QARS1: variants seen among roughly 807,000 people sequenced by gnomAD.
QARS1 encodes glutaminyl-tRNA synthetase 1.
A neutral mutation model predicts 106.9 loss-of-function variants in QARS1; 79 were observed. The observed-to-expected ratio is 0.74, with a 90% CI of 0.62 to 0.89. The LOEUF is 0.89. QARS1 is among the 40% of genes least tolerant of loss of function. The pLI, the probability that QARS1 is intolerant of heterozygous loss-of-function variation, is 0.00. For missense variants in QARS1, 966 were observed against 997.2 expected, an observed-to-expected ratio of 0.97 and a Z score of 0.42; for synonymous variants, 395 against 367.7, an observed-to-expected ratio of 1.07 and a Z score of -0.85.
At position 49,098,270 on chromosome 3, in the gene QARS1, G is replaced by A. The variant is rs549153964; in HGVS notation, c.2085-12C>T. Reference sequence around the variant, plus strand: ...TCTTGTGCTGGAATCTGCAGCCAAAGTGAAGGTCATACCCCCAGCTGGGCA... The same window carrying A: ...TCTTGTGCTGGAATCTGCAGCCAAAATGAAGGTCATACCCCCAGCTGGGCA... On this transcript the variant is annotated splice_polypyrimidine_tract_variant and intron_variant, in intron 21 of 23. Transcript: ENST00000306125. The A allele has an allele frequency of 1.2e-6, 2 of 1,614,230 alleles. No individual in the cohort carries two copies. Among genetic ancestry groups the A allele is most frequent in the South Asian group, 1.1e-5 (1 of 91,082 alleles).
Position 49,099,450 on chromosome 3 carries a change from T to G in QARS1, c.1527-19A>C. The G allele has an allele frequency of 6.2e-7, 1 of 1,614,094 alleles. No individual in the cohort carries two copies. Among genetic ancestry groups the G allele is most frequent in the Non-Finnish European group, 8.5e-7 (1 of 1,180,018 alleles). The stretch of plus-strand genomic sequence containing the variant: ...CCAGTCCCTGTGGATAAGAAGGTGG[T>G]GAGAAGGCCTTTGGGAGCATATGCC... On this transcript the variant is annotated intron_variant, in intron 16 of 23. Transcript: ENST00000306125.
At chr3:49,101,599 C>T (rs764250864) in intron 9 of QARS1, 21 bp downstream of exon 9, 2 of 1,612,720 alleles carry the variant, frequency 1.2e-6, no homozygotes, top group Middle Eastern at 1.8e-4. Flanking sequence ...CACAAGCTCA[C>T]ATGGCCACAT....
At position 49,100,192 on chromosome 3, in the gene QARS1, C is replaced by G. The variant is rs749042622; in HGVS notation, c.1162G>C (p.Glu388Gln). Residue 388 changes from glutamate (E) to glutamine (Q), a missense_variant and splice_region_variant, in exon 13 of 24, where the codon GAG (glutamate) becomes CAG (glutamine). By Grantham distance (29) the Glu-to-Gln change is conservative. Transcript: ENST00000306125. ...CAGATGCTCCTCTAGGACCCCACCT[C>G]AAAGAGCAGCAGTGACTCCTCCATG... ...RPMEESLLLF[E>Q]AMRKGKFSEG... 1.6e-5 allele frequency: 26 copies of G among 1,614,136 alleles called. No homozygotes were observed. Among genetic ancestry groups the G allele is most frequent in the African/African-American group, 2.7e-5 (2 of 74,938 alleles).
chr3:49,099,141 C>G lies in QARS1; in HGVS notation c.1727G>C (p.Arg576Pro). The G allele has an allele frequency of 6.2e-7, 1 of 1,614,172 alleles. No individual in the cohort carries two copies. Among genetic ancestry groups the G allele is most frequent in the Non-Finnish European group, 8.5e-7 (1 of 1,180,032 alleles). ...AGCAGGAAAGTTGGTGATGATGACC[C>G]GTAGTGACTCCAGCACAGCCATGGC... The part of the protein sequence containing the change: ...PRAMAVLESL[R>P]VIITNFPAAK... The change falls in exon 18 of 24, where the codon CGG becomes CCG. Residue 576 changes from arginine (R) to proline (P), a missense_variant. Coordinates refer to ENST00000306125, the MANE Select transcript of QARS1 (RefSeq NM_005051.3).
rs778895870 is a variant in QARS1, at chr3:49,104,629, C to A, written c.105G>T (p.Glu35Asp). The A allele has an allele frequency of 4.7e-5, 75 of 1,604,716 alleles. 1 individual carries two copies. Among genetic ancestry groups the A allele is most frequent in the Non-Finnish European group, 8.5e-6 (10 of 1,173,198 alleles). ...KNSALSAQLREAATQAQQTLG... is the reference protein window; with the variant it reads ...KNSALSAQLRDAATQAQQTLG... Reference sequence around the variant, plus strand: ...GAGGGGCTCGCACCTGAGTAGCGGCCTCGCGCAGCTGCGCGCTCAGAGCCG... The same window carrying A: ...GAGGGGCTCGCACCTGAGTAGCGGCATCGCGCAGCTGCGCGCTCAGAGCCG... The change falls in exon 1 of 24, where the codon GAG becomes GAT. Residue 35 changes from glutamate to aspartate, a missense_variant. Coordinates refer to ENST00000306125, the MANE Select transcript of QARS1 (RefSeq NM_005051.3).
Position 49,098,128 on chromosome 3 carries a change from G to C in QARS1, c.2152-11C>G, listed in dbSNP as rs373696203. On this transcript the variant is annotated splice_polypyrimidine_tract_variant and intron_variant, in intron 22 of 23. Coordinates refer to ENST00000306125, the MANE Select transcript of QARS1 (RefSeq NM_005051.3). ...CACGTGTAGTGATGCCTGCAGGCAG[G>C]GAACTCAGGCAACCATCCAACCAGG... is the stretch of plus-strand genomic sequence containing the variant. The C allele has an allele frequency of 5.9e-5, 96 of 1,614,056 alleles. 1 individual carries two copies. The highest frequency in any genetic ancestry group is 3.6e-5 in the Non-Finnish European group (42 of 1,180,034).
At position 49,101,811 on chromosome 3, in the gene QARS1, T is replaced by G. The variant is rs60002662; in HGVS notation, c.703+17A>C. 6.2e-7 allele frequency: 1 copy of G among 1,610,678 alleles called. No homozygotes were observed. Among genetic ancestry groups the G allele is most frequent in the South Asian group, 1.1e-5 (1 of 90,668 alleles). ...CCAAGATCCAGCCCTCCCCAGGGTT[T>G]TGACATGCCCACTAACCAGGCTTGT... is the stretch of plus-strand genomic sequence containing the variant. On this transcript the variant is annotated intron_variant, in intron 8 of 23. Transcript: ENST00000306125.
rs2042451058 is a variant in QARS1 at position 49,100,215 on chromosome 3, A to C, written c.1139T>G (p.Met380Arg). Reference sequence around the variant, plus strand: ...CTCAAAGAGCAGCAGTGACTCCTCCATGGGACGGTCTCTCCAGGGTGAAGG... The same window carrying C: ...CTCAAAGAGCAGCAGTGACTCCTCCCTGGGACGGTCTCTCCAGGGTGAAGG... ...TLPSPWRDRPMEESLLLFEAM... is the reference protein window; with the variant it reads ...TLPSPWRDRPREESLLLFEAM... The change falls in exon 13 of 24, where the codon ATG becomes AGG. Residue 380 changes from methionine (M) to arginine (R), a missense_variant. Transcript: ENST00000306125. The C allele has an allele frequency of 6.2e-7, 1 of 1,614,244 alleles. No individual in the cohort carries two copies. Among genetic ancestry groups the C allele is most frequent in the Non-Finnish European group, 8.5e-7 (1 of 1,180,038 alleles).
intron 23 of QARS1, among the ~76,000 whole-genome samples, chr3:49,096,669 G>A (rs1012251561): frequency 2.0e-5 from 3 of 151,688 alleles, no homozygotes; most frequent in African/African-American, 4.8e-5. Context: ...GAGTGGTGGC[G>A]GGCGCCTGTA....
chr3:49,098,958 G>A lies in QARS1; in HGVS notation c.1790C>T (p.Ala597Val). ...CTGATGGAAGCCTTTGGTCTCATCA[G>A]CTGGGAAGTTGGGCACCTGGATGTC... ...SLDIQVPNFP[A>V]DETKGFHQVP... The change falls in exon 19 of 24, where the codon GCT becomes GTT. Residue 597 changes from alanine (A) to valine (V), a missense_variant. By Grantham distance (64) the Ala-to-Val change is moderately conservative (BLOSUM62 0). Coordinates refer to ENST00000306125, the MANE Select transcript of QARS1 (RefSeq NM_005051.3). The A allele has an allele frequency of 6.2e-7, 1 of 1,614,118 alleles. No individual in the cohort carries two copies. The highest frequency in any genetic ancestry group is 8.5e-7 in the Non-Finnish European group (1 of 1,179,980).
chr3:49,100,574 C>A lies in QARS1; in HGVS notation c.976+1G>T. ...CCTTCTAGGCTTTGCCTAGTCCATA[C>A]CTAGCCAGGCTACCATGTCACAGAT... On this transcript the variant is annotated splice_donor_variant, in intron 11 of 23. Coordinates refer to ENST00000306125, the MANE Select transcript of QARS1 (RefSeq NM_005051.3). LOFTEE classifies it high-confidence loss of function. 1 of 1,601,862 alleles carries A rather than the reference C, an allele frequency of 6.2e-7. No homozygotes were observed. The highest frequency in any genetic ancestry group is 8.6e-7 in the Non-Finnish European group (1 of 1,168,880).
At position 49,104,459 on chromosome 3, in the gene QARS1, G is replaced by T. The variant is rs752660207; in HGVS notation, c.130C>A (p.Leu44Met). ...GTAGCTTTGTCAATGGTGGAACCCA[G>T]GGTCTGCTGAGCCTGAGGTCAGAGG... ...REAATQAQQTLGSTIDKATGI... is the reference protein window; with the variant it reads ...REAATQAQQTMGSTIDKATGI... Residue 44 changes from leucine (L) to methionine (M), a missense_variant, in exon 2 of 24, where the codon CTG (leucine) becomes ATG (methionine). By Grantham distance (15) the Leu-to-Met change is conservative. Transcript: ENST00000306125. 3.7e-6 allele frequency: 6 copies of T among 1,614,046 alleles called. No individual in the cohort carries two copies. Among genetic ancestry groups the T allele is most frequent in the African/African-American group, 1.3e-5 (1 of 74,940 alleles).
intron 16 of QARS1, 26 bp downstream of exon 16, chr3:49,099,484 T>G: frequency 6.2e-7 from 1 of 1,614,070 alleles, no homozygotes; most frequent in Non-Finnish European, 8.5e-7. Flanking sequence ...CCATTAACCT[T>G]TCATAAGCCA....
chr3:49,102,450 T>A lies in QARS1; in HGVS notation c.539A>T (p.Lys180Met), dbSNP rs1052975324. 5.0e-6 allele frequency: 8 copies of A among 1,614,066 alleles called. No individual in the cohort carries two copies. The highest frequency in any genetic ancestry group is 6.8e-6 in the Non-Finnish European group (8 of 1,180,006). ...DMQVLHLLGP[K>M]LEADLEKKFK... ...CTTCTTCTCCAGATCAGCCTCCAACTTGGGGCCCAGAAGGTGGAGGACCTG... is the reference window on the plus strand; with the variant it reads ...CTTCTTCTCCAGATCAGCCTCCAACATGGGGCCCAGAAGGTGGAGGACCTG... Residue 180 changes from lysine to methionine, a missense_variant, in exon 6 of 24, where the codon AAG (lysine) becomes ATG (methionine). By Grantham distance (95) the Lys-to-Met change is moderately conservative (BLOSUM62 -1). Coordinates refer to ENST00000306125, the MANE Select transcript of QARS1 (RefSeq NM_005051.3).
At chr3:49,097,958 C>A (rs2042412425) in intron 23 of QARS1, 34 bp downstream of exon 23, 1 of 1,613,224 alleles carries the variant, frequency 6.2e-7, no homozygotes, top group Admixed American at 1.7e-5. Flanking sequence ...ACTGTCACTG[C>A]TGCAGATGAG....
Position 49,100,678 on chromosome 3 carries a change from G to T in QARS1, c.877-4C>A, listed in dbSNP as rs1340526504. On this transcript the variant is annotated splice_region_variant and splice_polypyrimidine_tract_variant and intron_variant, in intron 10 of 23. Transcript: ENST00000306125. Reference sequence around the variant, plus strand: ...GAAAACAGATGCCATTGTTGGCCTAGGAAAGTTGCACCATCTGTGAACTCC... The same window carrying T: ...GAAAACAGATGCCATTGTTGGCCTATGAAAGTTGCACCATCTGTGAACTCC... 1.3e-6 allele frequency: 2 copies of T among 1,578,148 alleles called. No homozygotes were observed. Among genetic ancestry groups the T allele is most frequent in the Admixed American group, 1.7e-5 (1 of 59,962 alleles).
Sources: gnomAD v4.1 joint callset for allele counts (sites outside exome capture counted in the v4.1 genomes callset) on GRCh38, gnomAD v4.1.1 for gene constraint, MANE v1.5 for transcripts, NCBI Gene and HGNC (gene_info 2026-07-23, HGNC 2026-07-21) for gene names.